ZNF707: variants seen among roughly 807,000 people sequenced by gnomAD.
ZNF707 encodes the protein zinc finger protein 707.
In ZNF707, 8 loss-of-function variants were observed where a neutral mutation model predicts 13.3. The observed-to-expected ratio is 0.60, with a 90% confidence interval of 0.35 to 1.09. The LOEUF is 1.09. Ranked by LOEUF, ZNF707 falls within the 50% of genes least tolerant of loss-of-function variation. The pLI is 0.02. For missense variants in ZNF707, 530 were observed against 512.6 expected (o/e 1.03, Z -0.33); for synonymous variants, 225 against 205.6 (o/e 1.09, Z -0.81).
At position 143,693,196 on chromosome 8, in the gene ZNF707, A is replaced by G. The variant is rs371954264; in HGVS notation, c.257-475A>G. On this transcript the variant is annotated intron_variant, in intron 5 of 5. Coordinates refer to ENST00000358656, the MANE Select transcript of ZNF707 (RefSeq NM_001100598.2). The surrounding 1 kb of genome is among the most constrained non-coding windows in gnomAD (Gnocchi z 4.1). ...CTGTGGCTCATCTGTGTTTCTTTGA[A>G]CGAGTTTTCCTGATCACTCGTAACC... is the stretch of plus-strand genomic sequence containing the variant. Among the ~76,000 whole-genome samples the G allele has an allele frequency of 1.6e-4, 24 of 151,876 alleles. No homozygotes were observed. Among genetic ancestry groups the G allele is most frequent in the African/African-American group, 5.8e-4 (24 of 41,314 alleles).
chr8:143,691,395 T>C, intron 4 of ZNF707, 196 bp downstream of exon 4: 1 of 1,107,874 alleles, frequency 9.0e-7, no homozygotes, highest in Non-Finnish European at 1.2e-6. Context: ...CAGCCTCATC[T>C]TCCTTCCTCT....
At chr8:143,692,241 TCA>T (rs1554613845) in intron 5 of ZNF707, 1 of 1,290,242 alleles carries the variant, frequency 7.8e-7, no homozygotes, top group Admixed American at 2.3e-5. Context: ...ACTTACATTT[TCA>T]GAGTGGGATG....
rs782100313 is a variant in ZNF707, at chr8:143,693,724, C to T, written c.310C>T (p.His104Tyr). 7 of 1,611,534 alleles carry T rather than the reference C, an allele frequency of 4.3e-6. No homozygotes were observed. Among genetic ancestry groups the T allele is most frequent in the Non-Finnish European group, 5.9e-6 (7 of 1,179,046 alleles). ...ACCTTGTGATCATCCAGCTTGGGCT[C>T]ACAAGAAAACCCACGTGCGGCGAGA... ...KRPCDHPAWA[H>Y]KKTHVRRERA... The change falls in exon 6 of 6, where the codon CAC becomes TAC. Residue 104 changes from histidine (H) to tyrosine (Y), a missense_variant. Coordinates refer to ENST00000358656, the MANE Select transcript of ZNF707 (RefSeq NM_001100598.2). This position sits in a 1 kb window ranked among gnomAD's most constrained non-coding sequence, Gnocchi z 4.1.
At chr8:143,689,104 CA>C (rs1170779958) in intron 1 of ZNF707, 99 bp from the exon 2 acceptor site, 1 of 152,152 alleles carries the variant, frequency 6.6e-6, no homozygotes, top group Non-Finnish European at 1.5e-5. Context: ...GGAAGGGTTC[CA>C]GTTACATTTT....
At chr8:143,687,658 TG>T (rs1816413348) in intron 1 of ZNF707, among the ~76,000 whole-genome samples, 1 of 152,110 alleles carries the variant, frequency 6.6e-6, no homozygotes, top group African/African-American at 2.4e-5. Flanking sequence ...TGTAATCTTA[TG>T]GCTTTATGTG....
At chr8:143,691,856 C>T (rs1816838337) in intron 5 of ZNF707, 143 bp downstream of exon 5, 3 of 965,692 alleles carry the variant, frequency 3.1e-6, no homozygotes, top group Admixed American at 2.3e-5. Flanking sequence ...ATTAGACAGG[C>T]ATTAGAGACG....
At chr8:143,690,420 A>C in intron 3 of ZNF707, 1 of 394,940 alleles carries the variant, frequency 2.5e-6, no homozygotes, top group Non-Finnish European at 4.5e-6. Context: ...AAATACAAAA[A>C]ATTAGCTGGG....
rs577269757 is a variant in ZNF707 at position 143,691,898 on chromosome 8, A to T, written c.256+185A>T. On this transcript the variant is annotated intron_variant, in intron 5 of 5. Coordinates refer to ENST00000358656, the MANE Select transcript of ZNF707 (RefSeq NM_001100598.2). ...CAGCCACGCTCCTGCCCTGATGGACACTGGCCGGGGGTGGGGCTCGAAAGG... is the reference window on the plus strand; with the variant it reads ...CAGCCACGCTCCTGCCCTGATGGACTCTGGCCGGGGGTGGGGCTCGAAAGG... The T allele has an allele frequency of 1.4e-5, 14 of 1,027,130 alleles. No individual in the cohort carries two copies. In the East Asian group the frequency reaches 3.6e-4, roughly 27 times the overall value. The allele number at this position is 1,027,130 out of a possible 1,614,324, so 63.6% of individuals were successfully genotyped here.
In ZNF707 at chr8:143,694,652, C is replaced by T; in HGVS notation, c.*122C>T. 8.8e-7 allele frequency: 1 copy of T among 1,133,762 alleles called. No homozygotes were observed. The highest frequency in any genetic ancestry group is 1.2e-6 in the Non-Finnish European group (1 of 826,094). The allele number at this position is 1,133,762 out of a possible 1,614,324, so 70.2% of individuals were successfully genotyped here. The stretch of plus-strand genomic sequence containing the variant: ...CTGAATTCAGAGAAGCCTTCTTAGT[C>T]CTCAGAGCTCCCCAGTCCCCCGAGA... On this transcript the variant is annotated 3_prime_UTR_variant, in exon 6 of 6. Transcript: ENST00000358656. This position sits in a 1 kb window ranked among gnomAD's most constrained non-coding sequence, Gnocchi z 4.4.
In ZNF707 at chr8:143,691,982, A is replaced by T. The variant is rs782632962; in HGVS notation, c.256+269A>T. 7.6e-6 allele frequency: 11 copies of T among 1,440,714 alleles called. No individual in the cohort carries two copies. In the South Asian group the frequency reaches 1.2e-4, roughly 16 times the overall value. 89.2% of individuals were successfully genotyped at this position (1,440,714 alleles called of 1,614,324 possible). A position where few individuals can be genotyped will look rare whatever the true frequency, so the allele number is the denominator to read the frequency against. The stretch of plus-strand genomic sequence containing the variant: ...CGGAGGGGCCTGAGGCTGGAGTGAC[A>T]CTTGAAGCCTGCACCTAGCCACCCA... On this transcript the variant is annotated intron_variant, in intron 5 of 5. Coordinates refer to ENST00000358656, the MANE Select transcript of ZNF707 (RefSeq NM_001100598.2).
intron 1 of ZNF707, among the ~76,000 whole-genome samples, chr8:143,686,459 C>G (rs1816280458): frequency 6.6e-6 from 1 of 152,158 alleles, no homozygotes. Context: ...CACCCATGAC[C>G]CATGTGCTCA....
At chr8:143,684,801 C>T (rs1554611524) in intron 1 of ZNF707, 2 of 152,474 alleles carry the variant, frequency 1.3e-5, no homozygotes. Flanking sequence ...TGGTTTCTTC[C>T]TGGCCGACCC....
rs146191112 is a variant in ZNF707, at chr8:143,694,036, G to T, written c.622G>T (p.Glu208Ter). The change falls in exon 6 of 6, where the codon GAG (glutamate) becomes TAG (stop). Residue 208 changes from glutamate to a stop codon, truncating the protein, a stop_gained. Coordinates refer to ENST00000358656, the MANE Select transcript of ZNF707 (RefSeq NM_001100598.2). LOFTEE classifies it low-confidence loss of function (END_TRUNC). This position sits in a 1 kb window ranked among gnomAD's most constrained non-coding sequence, Gnocchi z 4.4. ...GGGAACCAAGGCCTTCGAGTGCCCC[G>T]AGTGCGGCCAGACCTTCCGGTGGGC... ...HTGTKAFECP[E>*]CGQTFRWASN... 4.4e-6 allele frequency: 7 copies of T among 1,606,604 alleles called. No individual in the cohort carries two copies. Among genetic ancestry groups the T allele is most frequent in the Non-Finnish European group, 5.1e-6 (6 of 1,177,614 alleles).
intron 3 of ZNF707, 88 bp from the exon 4 acceptor site, chr8:143,690,985 C>T: frequency 2.0e-6 from 3 of 1,522,620 alleles, no homozygotes; most frequent in Non-Finnish European, 2.7e-6. Context: ...ACCGCAGGGC[C>T]ACTCCCATTC....
intron 1 of ZNF707, chr8:143,687,491 A>G (rs1164646138): frequency 6.6e-6 from 1 of 152,118 alleles, no homozygotes; most frequent in Non-Finnish European, 1.5e-5. Flanking sequence ...GCCTGCCACC[A>G]TGCCTGGCTA....
At chr8:143,691,748 G>A (rs59729010) in intron 5 of ZNF707, 35 bp downstream of exon 5, 39,546 of 1,519,590 alleles carry the variant, frequency 0.026, 778 homozygotes, top group African/African-American at 0.084. Flanking sequence ...GGCGGGCCCC[G>A]TCCCTGTGGC....
intron 1 of ZNF707, among the ~76,000 whole-genome samples, chr8:143,685,264 C>G (rs1409889657): frequency 6.6e-6 from 1 of 152,190 alleles, no homozygotes; most frequent in East Asian, 1.9e-4. Flanking sequence ...GTGGCTCCCG[C>G]CTGTAATCTC....
intron 1 of ZNF707, chr8:143,687,321 T>G (rs1816381931): frequency 6.6e-6 from 1 of 152,208 alleles, no homozygotes; most frequent in African/African-American, 2.4e-5. Flanking sequence ...CCAGTTTGTG[T>G]TTTTTGTTTG....
intron 5 of ZNF707, chr8:143,692,198 C>T (rs1816875328): frequency 1.7e-5 from 22 of 1,292,860 alleles, no homozygotes; most frequent in Non-Finnish European, 2.2e-5. Flanking sequence ...GAGGGTTGCT[C>T]TTGGGGCAGT....
Sources: allele counts gnomAD v4.1 joint callset (sites outside exome capture counted in the v4.1 genomes callset), GRCh38; gene constraint gnomAD v4.1.1; non-coding constraint Gnocchi (gnomAD v3.1); transcripts MANE v1.5; gene names NCBI Gene and HGNC (gene_info 2026-07-23, HGNC 2026-07-21).